The following APPBP2 variants were observed in gnomAD, a reference collection of about 807,000 sequenced individuals.
APPBP2 encodes the protein amyloid protein-binding protein 2.
APPBP2 carries 15 observed loss-of-function variants against 76.0 expected under a neutral mutation model. The observed-to-expected ratio is 0.20, with a 90% CI of 0.13 to 0.30. APPBP2 has a LOEUF of 0.30. Among genes scored for constraint, APPBP2 ranks in the 10% least tolerant of loss-of-function variants. The pLI, the probability that APPBP2 is intolerant of heterozygous loss-of-function variation, is 1.00. For missense variants in APPBP2, 401 were observed against 687.2 expected, an observed-to-expected ratio of 0.58 and a Z score of 4.66; for synonymous variants, 222 against 242.2, an observed-to-expected ratio of 0.92 and a Z score of 0.77.
intron 4 of APPBP2, chr17:60,468,381 G>GA (rs1008605115): frequency 6.6e-6 from 1 of 152,042 alleles, no homozygotes; most frequent in Non-Finnish European, 1.5e-5. Context: ...GGTTGAAAGA[G>GA]AAAAAAATGA....
intron 1 of APPBP2, among the ~76,000 whole-genome samples, chr17:60,511,226 C>T (rs1416953883): frequency 1.3e-5 from 2 of 152,180 alleles, no homozygotes; most frequent in Admixed American, 6.5e-5. Flanking sequence ...TGAAGTTTCA[C>T]TACCAATATG....
chr17:60,524,610 GAAAAAAAAAAAA>G (rs35185909), intron 1 of APPBP2, among the ~76,000 whole-genome samples: 1,275 of 50,010 alleles, frequency 0.025, 24 homozygotes, highest in African/African-American at 0.052. Flanking sequence ...TGCTAATTCT[GAAAAAAAAAAAA>G]AAAAAAAAAA....
At chr17:60,511,169 A>T (rs565533059) in intron 1 of APPBP2, among the ~76,000 whole-genome samples, 110 of 152,348 alleles carry the variant, frequency 7.2e-4, no homozygotes, top group African/African-American at 2.4e-3. Flanking sequence ...AACACAATAT[A>T]TACCAGCAAT....
At chr17:60,449,955 C>A (rs1416883235) in intron 12 of APPBP2, among the ~76,000 whole-genome samples, 2 of 151,920 alleles carry the variant, frequency 1.3e-5, no homozygotes, top group Admixed American at 6.6e-5. Flanking sequence ...CTGTACCACG[C>A]CCGGCTAATT....
intron 6 of APPBP2, among the ~76,000 whole-genome samples, chr17:60,463,238 C>T (rs914147291): frequency 1.3e-5 from 2 of 152,158 alleles, no homozygotes; most frequent in Admixed American, 6.5e-5. Context: ...TGAGAAACTT[C>T]AGGGTAGAAG....
At chr17:60,471,233 A>G (rs1253531324) in intron 4 of APPBP2, among the ~76,000 whole-genome samples, 1 of 152,112 alleles carries the variant, frequency 6.6e-6, no homozygotes, top group East Asian at 1.9e-4. Context: ...TTTTTGATTT[A>G]CAAAAGTTTT....
chr17:60,507,756 T>G (rs1354393727), intron 1 of APPBP2, among the ~76,000 whole-genome samples: 2 of 152,164 alleles, frequency 1.3e-5, no homozygotes, highest in Non-Finnish European at 2.9e-5. Context: ...TTCACACAGT[T>G]GACTACTGCC....
chr17:60,504,297 A>G (rs944969586), intron 1 of APPBP2, among the ~76,000 whole-genome samples: 3 of 152,230 alleles, frequency 2.0e-5, no homozygotes, highest in Non-Finnish European at 4.4e-5. Context: ...ATAATAAAAT[A>G]CAATTAAAAC....
intron 1 of APPBP2, among the ~76,000 whole-genome samples, chr17:60,519,778 A>ATTTTTT (rs748167583): frequency 1.9e-4 from 22 of 117,840 alleles, no homozygotes; most frequent in East Asian, 6.9e-4. Flanking sequence ...GCCAAATTTA[A>ATTTTTT]TTTTTTTTTT....
At chr17:60,478,658 A>G (rs911947836) in intron 4 of APPBP2, among the ~76,000 whole-genome samples, 1 of 152,238 alleles carries the variant, frequency 6.6e-6, no homozygotes, top group Non-Finnish European at 1.5e-5. Context: ...ACGGTGGCTC[A>G]TGCCTGTAAT....
At position 60,500,340 on chromosome 17, in the gene APPBP2, G is replaced by T. The variant is rs112678090; in HGVS notation, c.227+59C>A. ...GAATATACTTAATGCCACTCAATTC[G>T]GTTAAAATGGTAAATTTTATGTTAT... is the stretch of plus-strand genomic sequence containing the variant. On this transcript the variant is annotated intron_variant, in intron 2 of 12. Transcript: ENST00000083182. 1.4e-3 allele frequency: 1,691 copies of T among 1,215,468 alleles called. 22 individuals are homozygous for T. The highest frequency in any genetic ancestry group is 2.4e-4 in the Non-Finnish European group (200 of 846,778). The allele number at this position is 1,215,468 out of a possible 1,614,324, so 75.3% of individuals were successfully genotyped here.
chr17:60,524,611 A>G (rs568209619), intron 1 of APPBP2, among the ~76,000 whole-genome samples: 5 of 62,172 alleles, frequency 8.0e-5, no homozygotes, highest in East Asian at 4.5e-4. Context: ...GCTAATTCTG[A>G]AAAAAAAAAA....
At chr17:60,461,049 T>A in intron 8 of APPBP2, 1 of 205,644 alleles carries the variant, frequency 4.9e-6, no homozygotes, top group Non-Finnish European at 9.8e-6. Context: ...ATCAAGACAT[T>A]GGGAATGTTT....
chr17:60,495,584 C>T (rs2090769098), intron 2 of APPBP2, among the ~76,000 whole-genome samples: 1 of 151,942 alleles, frequency 6.6e-6, no homozygotes, highest in Non-Finnish European at 1.5e-5. Flanking sequence ...GATCCTCCTG[C>T]TTCAGCCTCC....
chr17:60,451,843 T>C, intron 12 of APPBP2, 37 bp downstream of exon 12: 1 of 1,526,500 alleles, frequency 6.6e-7, no homozygotes, highest in Non-Finnish European at 8.9e-7. Context: ...TGTTGATTTG[T>C]AATCAACTGA....
In APPBP2 at chr17:60,468,102, C is replaced by T. The variant is rs531793920; in HGVS notation, c.504-1643G>A. Among the ~76,000 whole-genome samples, 8 of 152,244 alleles carry T rather than the reference C, an allele frequency of 5.3e-5. No homozygotes were observed. The East Asian group carries it at 1.5e-3, about 29-fold the overall frequency. On this transcript the variant is annotated intron_variant, in intron 4 of 12. Transcript: ENST00000083182. ...GTTGCTCAATTTGGTAGCCACTAGC[C>T]ACAGTGGCTACTGAGTATTAGAAAT...
At chr17:60,495,203 C>T (rs2090764697) in intron 2 of APPBP2, among the ~76,000 whole-genome samples, 1 of 151,328 alleles carries the variant, frequency 6.6e-6, no homozygotes, top group South Asian at 2.1e-4. Flanking sequence ...AGCCGGGATG[C>T]TCTCAATCTC....
At chr17:60,506,597 G>A (rs2090869905) in intron 1 of APPBP2, among the ~76,000 whole-genome samples, 2 of 152,094 alleles carry the variant, frequency 1.3e-5, no homozygotes, top group African/African-American at 4.8e-5. Flanking sequence ...ATTAAGACAT[G>A]CATGCATTCA....
chr17:60,495,924 T>C (rs990189207), intron 2 of APPBP2, among the ~76,000 whole-genome samples: 11 of 152,188 alleles, frequency 7.2e-5, no homozygotes, highest in Admixed American at 5.2e-4. Context: ...AAATGCAGTA[T>C]TATCCTTACG....
Sources: allele counts gnomAD v4.1 joint callset (sites outside exome capture counted in the v4.1 genomes callset), GRCh38; gene constraint gnomAD v4.1.1; transcripts MANE v1.5; gene names NCBI Gene and HGNC (gene_info 2026-07-23, HGNC 2026-07-21).